Variants in ASIC2 observed in about 807,000 individuals in gnomAD.
The protein encoded by ASIC2 is acid sensing ion channel subunit 2.
In ASIC2, 25 loss-of-function variants were observed where a neutral mutation model predicts 57.3. The ratio of observed to expected loss-of-function variants is 0.44; its 90% CI spans 0.32 to 0.61. The LOEUF (loss-of-function observed/expected upper bound fraction) is 0.61, where lower values mean the gene tolerates loss of function less well. Among genes scored for constraint, ASIC2 ranks in the 20% least tolerant of loss-of-function variants. The pLI is 0.06. For missense variants in ASIC2, 641 were observed against 738.1 expected (o/e 0.87, Z 1.52); for synonymous variants, 319 against 307.5 (o/e 1.04, Z -0.39).
intron 1 of ASIC2, among the ~76,000 whole-genome samples, chr17:33,477,470 C>T (rs1441913624): frequency 1.3e-5 from 2 of 152,192 alleles, no homozygotes; most frequent in Non-Finnish European, 2.9e-5. Flanking sequence ...GCCTCACTGT[C>T]TTCATAGTAT....
At chr17:33,267,636 A>G (rs1293372829) in intron 1 of ASIC2, among the ~76,000 whole-genome samples, 1 of 152,238 alleles carries the variant, frequency 6.6e-6, no homozygotes, top group Non-Finnish European at 1.5e-5. Flanking sequence ...GTTAAGAATA[A>G]TTCTGGCATT....
chr17:33,206,321 C>T (rs1215391551), intron 1 of ASIC2, among the ~76,000 whole-genome samples: 1 of 152,058 alleles, frequency 6.6e-6, no homozygotes, highest in Admixed American at 6.6e-5. Context: ...AGAGGGAAGG[C>T]CACCACTTGT....
At chr17:33,904,470 C>T (rs1045221383) in intron 1 of ASIC2, among the ~76,000 whole-genome samples, 1 of 152,148 alleles carries the variant, frequency 6.6e-6, no homozygotes, top group African/African-American at 2.4e-5. Context: ...AGATCTGTCC[C>T]CAGGGATTGC....
At chr17:33,384,877 C>T (rs917219616) in intron 1 of ASIC2, among the ~76,000 whole-genome samples, 2 of 152,082 alleles carry the variant, frequency 1.3e-5, no homozygotes, top group African/African-American at 4.8e-5. Flanking sequence ...TCTCATATGC[C>T]CAATGCCATC....
chr17:34,095,607 T>TTATATATATATATA (rs3071169), intron 1 of ASIC2, among the ~76,000 whole-genome samples: 1 of 96,148 alleles, frequency 1.0e-5, no homozygotes, highest in African/African-American at 5.7e-5. Flanking sequence ...CAGGCAAATT[T>TTATATATATATATA]TATATATATA....
At chr17:33,375,217 G>T (rs563422640) in intron 1 of ASIC2, among the ~76,000 whole-genome samples, 153 of 152,132 alleles carry the variant, frequency 1.0e-3, no homozygotes, top group Non-Finnish European at 2.0e-3. Flanking sequence ...GTCAGATAAG[G>T]CCCCACTGAT....
chr17:33,579,292 A>AC (rs1916785370), intron 1 of ASIC2, among the ~76,000 whole-genome samples: 1 of 150,882 alleles, frequency 6.6e-6, no homozygotes, highest in South Asian at 2.1e-4. Flanking sequence ...GTCTCAAAAA[A>AC]AAAAAAAAAA....
chr17:33,152,970 GAGA>G (rs1326764635), intron 1 of ASIC2, among the ~76,000 whole-genome samples: 1 of 152,194 alleles, frequency 6.6e-6, no homozygotes, highest in African/African-American at 2.4e-5. Context: ...TTCTCTTCCT[GAGA>G]AGAAATCTTG....
At chr17:33,495,205 G>A (rs550208114) in intron 1 of ASIC2, among the ~76,000 whole-genome samples, 1 of 152,226 alleles carries the variant, frequency 6.6e-6, no homozygotes, top group Non-Finnish European at 1.5e-5. Flanking sequence ...TGCCCTGGGG[G>A]GCTAGCTTGG....
intron 1 of ASIC2, among the ~76,000 whole-genome samples, chr17:33,778,788 A>G (rs1195397845): frequency 6.6e-6 from 1 of 152,188 alleles, no homozygotes; most frequent in African/African-American, 2.4e-5. Flanking sequence ...TAAGTGAGAT[A>G]ATGTCTAGAC....
intron 1 of ASIC2, among the ~76,000 whole-genome samples, chr17:33,446,117 G>A (rs1272749474): frequency 6.6e-6 from 1 of 151,996 alleles, no homozygotes; most frequent in Non-Finnish European, 1.5e-5. Flanking sequence ...TGGATGGGAC[G>A]AGGGAACTCT....
At chr17:33,679,975 A>G (rs1907949543) in intron 1 of ASIC2, among the ~76,000 whole-genome samples, 2 of 152,172 alleles carry the variant, frequency 1.3e-5, no homozygotes, top group Middle Eastern at 3.4e-3. Context: ...TTCTGCTTCC[A>G]TTTTACAGTT....
At chr17:33,913,110 C>T (rs1233672567) in intron 1 of ASIC2, among the ~76,000 whole-genome samples, 1 of 151,314 alleles carries the variant, frequency 6.6e-6, no homozygotes, top group African/African-American at 2.4e-5. Flanking sequence ...CCAATTTCTG[C>T]CAGTTCTCAC....
At chr17:33,266,128 C>T (rs1280838406) in intron 1 of ASIC2, among the ~76,000 whole-genome samples, 1 of 152,212 alleles carries the variant, frequency 6.6e-6, no homozygotes, top group Admixed American at 6.5e-5. Flanking sequence ...CCCCACAATG[C>T]TATTCTCCAG....
At chr17:33,882,398 T>C (rs1433174511) in intron 1 of ASIC2, among the ~76,000 whole-genome samples, 1 of 151,750 alleles carries the variant, frequency 6.6e-6, no homozygotes, top group Admixed American at 6.6e-5. Context: ...TACAAAGAAC[T>C]CAAACAAATT....
chr17:33,603,564 A>C (rs1224015120), intron 1 of ASIC2, among the ~76,000 whole-genome samples: 1 of 152,184 alleles, frequency 6.6e-6, no homozygotes, highest in African/African-American at 2.4e-5. Flanking sequence ...ATGCATGGAA[A>C]AGTGAGGACA....
chr17:33,704,607 A>G (rs887335067), intron 1 of ASIC2, among the ~76,000 whole-genome samples: 1 of 152,248 alleles, frequency 6.6e-6, no homozygotes, highest in Non-Finnish European at 1.5e-5. Flanking sequence ...TTTTAAACTA[A>G]CAGGATAAGA....
chr17:33,306,341 T>C (rs1182776409), intron 1 of ASIC2, among the ~76,000 whole-genome samples: 3 of 152,170 alleles, frequency 2.0e-5, no homozygotes, highest in Non-Finnish European at 4.4e-5. Flanking sequence ...TGGAGTGTTT[T>C]TTCCCCCTAG....
chr17:33,165,783 G>T (rs1313134301), intron 1 of ASIC2, among the ~76,000 whole-genome samples: 2 of 152,062 alleles, frequency 1.3e-5, no homozygotes, highest in East Asian at 1.9e-4. Flanking sequence ...AAAGGTAAAT[G>T]GTAATGGAGG....
Sources: allele counts gnomAD v4.1 joint callset (sites outside exome capture counted in the v4.1 genomes callset), GRCh38; gene constraint gnomAD v4.1.1; transcripts MANE v1.5; gene names NCBI Gene and HGNC (gene_info 2026-07-23, HGNC 2026-07-21).